PHF20: variants seen among roughly 807,000 people sequenced by gnomAD.
The protein encoded by PHF20 is PHD finger protein 20, also known as glioma-expressed antigen 2.
PHF20 carries 23 observed loss-of-function variants against 113.5 expected under a neutral mutation model. That is an observed-to-expected ratio of 0.20 (90% CI 0.15 to 0.29). The LOEUF (loss-of-function observed/expected upper bound fraction) is 0.29. PHF20 is among the 10% of genes least tolerant of loss of function. The pLI is 1.00. For synonymous variants in PHF20, 434 were observed against 457.3 expected, an observed-to-expected ratio of 0.95 and a Z score of 0.65; for missense variants, 943 against 1,219.6, an observed-to-expected ratio of 0.77 and a Z score of 3.38.
At chr20:35,890,429 G>A (rs1371927926) in intron 9 of PHF20, among the ~76,000 whole-genome samples, 1 of 152,188 alleles carries the variant, frequency 6.6e-6, no homozygotes, top group Admixed American at 6.5e-5. Context: ...GATTAATAAA[G>A]GAGGGCAATT....
chr20:35,860,384 G>T (rs188302576), intron 5 of PHF20, among the ~76,000 whole-genome samples: 6 of 151,694 alleles, frequency 4.0e-5, no homozygotes, highest in Admixed American at 1.3e-4. Context: ...GGGACTACAG[G>T]CATGCACCAC....
chr20:35,809,662 T>C (rs1458788645), intron 2 of PHF20, among the ~76,000 whole-genome samples: 3 of 149,826 alleles, frequency 2.0e-5, no homozygotes, highest in Non-Finnish European at 4.4e-5. Flanking sequence ...GGTGGGAGGA[T>C]TGATTGAGTC....
At chr20:35,942,230 G>A (rs1305385118) in intron 17 of PHF20, among the ~76,000 whole-genome samples, 1 of 152,026 alleles carries the variant, frequency 6.6e-6, no homozygotes, top group Non-Finnish European at 1.5e-5. Context: ...ATTATGTCAC[G>A]GTACTCCAGC....
intron 1 of PHF20, among the ~76,000 whole-genome samples, chr20:35,794,210 G>A (rs1157939070): frequency 1.3e-5 from 2 of 149,464 alleles, no homozygotes; most frequent in African/African-American, 5.0e-5. Context: ...TGAAGCAGGA[G>A]AATCTCTTGA....
chr20:35,773,983 A>G (rs1215610953), intron 1 of PHF20, among the ~76,000 whole-genome samples: 1 of 151,728 alleles, frequency 6.6e-6, no homozygotes, highest in Admixed American at 6.6e-5. Flanking sequence ...TGAAGAAAAG[A>G]TGTCGTTTGG....
chr20:35,892,341 C>T (rs939885883), intron 9 of PHF20, among the ~76,000 whole-genome samples: 3 of 149,834 alleles, frequency 2.0e-5, no homozygotes, highest in Admixed American at 1.4e-4. Context: ...TCCCAAAGTG[C>T]TAGGATTACA....
chr20:35,857,422 C>T (rs554067923), intron 4 of PHF20, among the ~76,000 whole-genome samples: 14 of 152,118 alleles, frequency 9.2e-5, no homozygotes, highest in African/African-American at 3.4e-4. Flanking sequence ...AAAAAACTAA[C>T]AATGTAGCAG....
chr20:35,896,080 GAT>G (rs1491451279), intron 9 of PHF20, among the ~76,000 whole-genome samples: 2 of 135,590 alleles, frequency 1.5e-5, no homozygotes, highest in Non-Finnish European at 3.1e-5. Flanking sequence ...TATGCTTTGG[GAT>G]GTGTGTGTGT....
chr20:35,797,840 C>T (rs949382062), intron 1 of PHF20, among the ~76,000 whole-genome samples: 13 of 151,672 alleles, frequency 8.6e-5, no homozygotes, highest in South Asian at 4.2e-4. Context: ...TTAGTAGAGA[C>T]GGGGTTTCAC....
intron 3 of PHF20, among the ~76,000 whole-genome samples, chr20:35,846,086 T>C (rs1253618127): frequency 1.3e-5 from 2 of 152,060 alleles, no homozygotes; most frequent in Non-Finnish European, 2.9e-5. Context: ...TTAACCCTAT[T>C]AGGGAACTTG....
At chr20:35,775,449 T>A (rs1485170501) in intron 1 of PHF20, among the ~76,000 whole-genome samples, 3 of 152,092 alleles carry the variant, frequency 2.0e-5, no homozygotes, top group Non-Finnish European at 1.5e-5. Flanking sequence ...TTCTAGCACA[T>A]AGCTTTTTAA....
At chr20:35,832,463 A>C (rs1461786151) in intron 2 of PHF20, among the ~76,000 whole-genome samples, 1 of 152,208 alleles carries the variant, frequency 6.6e-6, no homozygotes, top group Admixed American at 6.6e-5. Context: ...CCATAAACAC[A>C]AACAAATGAA....
At chr20:35,901,559 ATGTT>A (rs149601523) in intron 10 of PHF20, among the ~76,000 whole-genome samples, 14,776 of 152,072 alleles carry the variant, frequency 0.097, 761 homozygotes, top group Middle Eastern at 0.15. Flanking sequence ...GAGGATTTTA[ATGTT>A]TGTTTGTTTC....
chr20:35,895,681 CTTTT>C (rs762279629), intron 9 of PHF20, among the ~76,000 whole-genome samples: 18 of 116,774 alleles, frequency 1.5e-4, no homozygotes, highest in African/African-American at 2.8e-4. Context: ...TTTGCTTCTC[CTTTT>C]TTTTTTTTTT....
At chr20:35,856,304 G>A (rs2042826185) in intron 4 of PHF20, 1 of 152,192 alleles carries the variant, frequency 6.6e-6, no homozygotes, top group African/African-American at 2.4e-5. Context: ...ATAAAGGTCA[G>A]TAGGTAATTA....
chr20:35,869,183 T>C (rs924698677), intron 6 of PHF20, among the ~76,000 whole-genome samples: 2 of 152,012 alleles, frequency 1.3e-5, no homozygotes, highest in African/African-American at 4.8e-5. Flanking sequence ...CAAGTAGAGG[T>C]TGAAAACTGG....
At chr20:35,904,991 A>G (rs937124516) in intron 10 of PHF20, among the ~76,000 whole-genome samples, 2 of 151,430 alleles carry the variant, frequency 1.3e-5, no homozygotes, top group African/African-American at 4.9e-5. Flanking sequence ...ATGCCTGGCT[A>G]ATTTTGTATT....
At chr20:35,776,769 T>C (rs1045000695) in intron 1 of PHF20, among the ~76,000 whole-genome samples, 26 of 152,180 alleles carry the variant, frequency 1.7e-4, no homozygotes, top group Admixed American at 8.5e-4. Context: ...TTGGCTCTAG[T>C]CCTAGCTCTT....
At chr20:35,868,368 G>A (rs1220712082) in intron 6 of PHF20, among the ~76,000 whole-genome samples, 2 of 152,082 alleles carry the variant, frequency 1.3e-5, no homozygotes, top group African/African-American at 4.8e-5. Context: ...GGGAGGCTGA[G>A]GCGGGCAGAT....
Sources: gnomAD v4.1 joint callset for allele counts (sites outside exome capture counted in the v4.1 genomes callset) on GRCh38, gnomAD v4.1.1 for gene constraint, MANE v1.5 for transcripts, NCBI Gene and HGNC (gene_info 2026-07-23, HGNC 2026-07-21) for gene names.